Variants in ENTHD1 observed in about 807,000 individuals in gnomAD.
ENTHD1 encodes ENTH domain-containing protein 1.
In ENTHD1, 23 loss-of-function variants were observed where a neutral mutation model predicts 39.1. The ratio of observed to expected loss-of-function variants is 0.59; its 90% CI spans 0.42 to 0.83. ENTHD1 has a LOEUF of 0.83. ENTHD1 is among the 40% of genes least tolerant of loss of function. The pLI, the probability that ENTHD1 is intolerant of heterozygous loss-of-function variation, is 0.00. For synonymous variants in ENTHD1, 230 were observed against 258.2 expected, an observed-to-expected ratio of 0.89 and a Z score of 1.05; for missense variants, 624 against 705.4, an observed-to-expected ratio of 0.88 and a Z score of 1.31.
chr22:39,766,909 A>G (rs1027006975), intron 5 of ENTHD1, among the ~76,000 whole-genome samples: 1 of 152,126 alleles, frequency 6.6e-6, no homozygotes, highest in African/African-American at 2.4e-5. Flanking sequence ...TTTAAAACTC[A>G]ATTCAAGTAT....
At chr22:39,887,933 T>C in intron 1 of ENTHD1, 30 bp from the exon 2 acceptor site, 1 of 522,834 alleles carries the variant, frequency 1.9e-6, no homozygotes. Context: ...AAATTTACAT[T>C]AAACTTTTTT....
chr22:39,850,907 G>A (rs933226667), intron 3 of ENTHD1, among the ~76,000 whole-genome samples: 4 of 151,950 alleles, frequency 2.6e-5, no homozygotes, highest in Admixed American at 6.6e-5. Flanking sequence ...TTATACATAC[G>A]TATCTATATT....
At chr22:39,807,570 G>T (rs369115679) in intron 5 of ENTHD1, among the ~76,000 whole-genome samples, 34 of 151,446 alleles carry the variant, frequency 2.2e-4, no homozygotes, top group African/African-American at 8.3e-4. Context: ...TCTCCCAACT[G>T]GCCAAGTCTC....
chr22:39,826,794 G>A (rs2065829909), intron 4 of ENTHD1, among the ~76,000 whole-genome samples: 2 of 151,272 alleles, frequency 1.3e-5, no homozygotes, highest in Non-Finnish European at 1.5e-5. Flanking sequence ...AGAAATCTCC[G>A]TAGCTTCCAC....
chr22:39,867,334 G>A lies in ENTHD1; in HGVS notation c.350-5327C>T, dbSNP rs2066191915. On this transcript the variant is annotated intron_variant, in intron 2 of 6. Transcript: ENST00000325157. This position sits in a 1 kb window ranked among gnomAD's most constrained non-coding sequence, Gnocchi z 4.5. ...TCAGAAGATCTTTATACTAAAACAC[G>A]TGCTAGGCTTCAAACAATCGTAAAA... Among the ~76,000 whole-genome samples, 1 of 151,988 alleles carries A rather than the reference G, an allele frequency of 6.6e-6. No individual in the cohort carries two copies. The highest frequency in any genetic ancestry group is 2.4e-5 in the African/African-American group (1 of 41,378).
At chr22:39,779,818 T>A (rs1346364326) in intron 5 of ENTHD1, among the ~76,000 whole-genome samples, 1 of 152,186 alleles carries the variant, frequency 6.6e-6, no homozygotes, top group African/African-American at 2.4e-5. Context: ...ATTTTTTCTT[T>A]GTTTCTATTA....
At chr22:39,817,988 G>T (rs544896688) in intron 5 of ENTHD1, among the ~76,000 whole-genome samples, 1 of 152,194 alleles carries the variant, frequency 6.6e-6, no homozygotes, top group Non-Finnish European at 1.5e-5. Flanking sequence ...TCCATGGAGA[G>T]GTTGTAGGGG....
chr22:39,885,503 T>G (rs541631149), intron 2 of ENTHD1, among the ~76,000 whole-genome samples: 1 of 152,282 alleles, frequency 6.6e-6, no homozygotes, highest in South Asian at 2.1e-4. Context: ...CTCCTAAGTA[T>G]ACACCCAAAT....
At chr22:39,875,996 T>C in intron 2 of ENTHD1, 2 of 1,613,964 alleles carry the variant, frequency 1.2e-6, no homozygotes, top group Non-Finnish European at 8.5e-7. Flanking sequence ...TGGTTATTAC[T>C]GCCCTTGCCA....
intron 4 of ENTHD1, among the ~76,000 whole-genome samples, chr22:39,829,824 A>ATAAT (rs1452532617): frequency 6.6e-6 from 1 of 151,692 alleles, no homozygotes; most frequent in Non-Finnish European, 1.5e-5. Flanking sequence ...AAATAAATAA[A>ATAAT]TAAAATAATT....
chr22:39,801,507 T>C (rs2065598200), intron 5 of ENTHD1, among the ~76,000 whole-genome samples: 1 of 152,174 alleles, frequency 6.6e-6, no homozygotes, highest in South Asian at 2.1e-4. Flanking sequence ...TACTACAAAA[T>C]ATTTAGAAAG....
intron 3 of ENTHD1, among the ~76,000 whole-genome samples, chr22:39,847,564 C>T (rs2066000652): frequency 6.6e-6 from 1 of 150,546 alleles, no homozygotes. Flanking sequence ...GATTAGCAAA[C>T]TTAAAAAAAA....
rs1191215263 is a variant in ENTHD1, at chr22:39,772,039, T to C, written c.833-6430A>G. Among the ~76,000 whole-genome samples, 4 of 152,212 alleles carry C rather than the reference T, an allele frequency of 2.6e-5. No individual in the cohort carries two copies. The South Asian group carries it at 6.2e-4, about 24-fold the overall frequency. The stretch of plus-strand genomic sequence containing the variant: ...TGGAGTGTTATAACAAATGTAAATA[T>C]AGTTTAAACGACTATAGCAGCAGTC... On this transcript the variant is annotated intron_variant, in intron 5 of 6. Coordinates refer to ENST00000325157, the MANE Select transcript of ENTHD1 (RefSeq NM_152512.4).
chr22:39,875,607 G>A, intron 2 of ENTHD1: 2 of 1,611,582 alleles, frequency 1.2e-6, no homozygotes, highest in Non-Finnish European at 1.7e-6. Context: ...TCAAGAGAAA[G>A]CACCGAGGCT....
At chr22:39,793,240 T>C (rs1326548146) in intron 5 of ENTHD1, among the ~76,000 whole-genome samples, 4 of 152,118 alleles carry the variant, frequency 2.6e-5, no homozygotes, top group Admixed American at 2.6e-4. Context: ...TTTTATACTT[T>C]TTAATGTTTT....
intron 5 of ENTHD1, among the ~76,000 whole-genome samples, chr22:39,814,412 A>T (rs1457316358): frequency 6.6e-6 from 1 of 152,156 alleles, no homozygotes; most frequent in Non-Finnish European, 1.5e-5. Context: ...GTGAACCGCA[A>T]TTGTGCCACT....
chr22:39,747,515 T>A (rs2065114853), intron 6 of ENTHD1, among the ~76,000 whole-genome samples: 1 of 152,108 alleles, frequency 6.6e-6, no homozygotes, highest in South Asian at 2.1e-4. Context: ...TTAGAATTAT[T>A]TTTACTGTAT....
intron 2 of ENTHD1, chr22:39,875,785 G>C (rs2066284241): frequency 1.2e-6 from 2 of 1,613,354 alleles, no homozygotes. Context: ...GCAAGAACAT[G>C]GCTTTCAAAT....
chr22:39,892,795 A>G (rs988971164), intron 1 of ENTHD1, among the ~76,000 whole-genome samples: 5 of 152,224 alleles, frequency 3.3e-5, no homozygotes, highest in Admixed American at 6.5e-5. Context: ...TATAGACATG[A>G]GTTTGACTCG....
Sources: gnomAD v4.1 joint callset for allele counts (sites outside exome capture counted in the v4.1 genomes callset) on GRCh38, gnomAD v4.1.1 for gene constraint, Gnocchi (gnomAD v3.1) non-coding constraint, MANE v1.5 for transcripts, NCBI Gene and HGNC (gene_info 2026-07-23, HGNC 2026-07-21) for gene names.